Variants in MEI1 observed in about 807,000 individuals in gnomAD.
MEI1 encodes the protein meiosis inhibitor protein 1.
Under a neutral mutation model 146.2 loss-of-function variants are expected in MEI1, and 103 were observed. That is an observed-to-expected ratio of 0.70 (90% CI 0.60 to 0.83). The LOEUF (loss-of-function observed/expected upper bound fraction) is 0.83, where lower values mean the gene tolerates loss of function less well. Among genes scored for constraint, MEI1 ranks in the 40% least tolerant of loss-of-function variants. The pLI, the probability that MEI1 is intolerant of heterozygous loss-of-function variation, is 0.00. For missense variants in MEI1, 1,529 were observed against 1,533.0 expected (o/e 1.00, Z 0.04); for synonymous variants, 652 against 628.2 (o/e 1.04, Z -0.57).
chr22:41,720,969 C>T (rs1233420011), intron 6 of MEI1, among the ~76,000 whole-genome samples: 8 of 150,408 alleles, frequency 5.3e-5, no homozygotes, highest in African/African-American at 9.8e-5. Flanking sequence ...TAAGTAGAGA[C>T]GGGGTTTCAC....
intron 26 of MEI1, among the ~76,000 whole-genome samples, chr22:41,788,074 A>G (rs966022577): frequency 6.6e-6 from 1 of 152,206 alleles, no homozygotes; most frequent in African/African-American, 2.4e-5. Flanking sequence ...TCTGTCACCC[A>G]GGCTGGAGTG....
intron 19 of MEI1, among the ~76,000 whole-genome samples, chr22:41,766,042 C>T (rs2148005029): frequency 6.6e-6 from 1 of 151,848 alleles, no homozygotes; most frequent in South Asian, 2.1e-4. Flanking sequence ...AGGCACCCGC[C>T]ACCATGCCTG....
chr22:41,754,293 C>T (rs2073955125), intron 17 of MEI1, among the ~76,000 whole-genome samples: 1 of 152,164 alleles, frequency 6.6e-6, no homozygotes, highest in Admixed American at 6.6e-5. Context: ...TTCATCAAGT[C>T]CAGTTCCTTC....
chr22:41,752,527 CT>C, intron 15 of MEI1, 63 bp from the exon 16 acceptor site: 1 of 1,435,604 alleles, frequency 7.0e-7, no homozygotes, highest in Non-Finnish European at 9.6e-7. Context: ...ACCACCCAGG[CT>C]TGGGACTCTC....
intron 22 of MEI1, among the ~76,000 whole-genome samples, chr22:41,779,293 A>G (rs1335456816): frequency 6.6e-6 from 1 of 152,068 alleles, no homozygotes; most frequent in East Asian, 1.9e-4. Context: ...CAAAAAAAAT[A>G]CAAATAATTA....
At chr22:41,772,518 T>C (rs1368763167) in intron 20 of MEI1, among the ~76,000 whole-genome samples, 1 of 152,154 alleles carries the variant, frequency 6.6e-6, no homozygotes, top group Non-Finnish European at 1.5e-5. Context: ...GACAGTGTTT[T>C]ATCATGTTGC....
chr22:41,745,115 A>C (rs1305195176), intron 13 of MEI1, 51 bp downstream of exon 13: 39 of 1,294,748 alleles, frequency 3.0e-5, no homozygotes, highest in Non-Finnish European at 4.1e-5. Context: ...TAGGGGTGGA[A>C]GGGATTCAGA....
chr22:41,766,682 T>C (rs552199437), intron 19 of MEI1, among the ~76,000 whole-genome samples: 6 of 152,028 alleles, frequency 3.9e-5, no homozygotes, highest in Non-Finnish European at 7.4e-5. Flanking sequence ...GAGTAGCTGG[T>C]ACCACAGGCA....
intron 19 of MEI1, among the ~76,000 whole-genome samples, chr22:41,764,906 G>T (rs1279842383): frequency 1.3e-5 from 2 of 152,178 alleles, no homozygotes; most frequent in African/African-American, 4.8e-5. Flanking sequence ...TCAGTTAACT[G>T]TGTGACCTAG....
intron 4 of MEI1, among the ~76,000 whole-genome samples, chr22:41,715,634 A>G (rs1193660628): frequency 6.6e-6 from 1 of 151,718 alleles, no homozygotes; most frequent in Non-Finnish European, 1.5e-5. Context: ...TGACCTCGTG[A>G]TCCGCCCGCC....
rs771638733 is a variant in MEI1 at position 41,784,323 on chromosome 22, C to A, written c.3088-16C>A. On this transcript the variant is annotated splice_polypyrimidine_tract_variant and intron_variant, in intron 24 of 30. Transcript: ENST00000401548. ...CCAGAACATGGGGGTTAGCCCTTTA[C>A]CCTGTGCCCTGCCAGGTTCACCAGA... The A allele has an allele frequency of 6.2e-7, 1 of 1,612,062 alleles. No individual in the cohort carries two copies. The highest frequency in any genetic ancestry group is 1.7e-5 in the Admixed American group (1 of 60,018).
chr22:41,781,469 TAAAA>T (rs1602129626), intron 23 of MEI1, 75 bp downstream of exon 23: 3 of 1,321,168 alleles, frequency 2.3e-6, no homozygotes, highest in Non-Finnish European at 3.2e-6. Context: ...TTTTTCATCT[TAAAA>T]AAACAAATAG....
chr22:41,762,646 C>T (rs959240208), intron 18 of MEI1, among the ~76,000 whole-genome samples: 3 of 151,696 alleles, frequency 2.0e-5, no homozygotes, highest in African/African-American at 4.8e-5. Context: ...CACAGCCTCC[C>T]AGAGTGCTGG....
chr22:41,723,044 C>T (rs2071007379), intron 6 of MEI1, among the ~76,000 whole-genome samples: 1 of 152,134 alleles, frequency 6.6e-6, no homozygotes, highest in African/African-American at 2.4e-5. Flanking sequence ...TACTTCTCCC[C>T]ACTTCACCTA....
intron 15 of MEI1, among the ~76,000 whole-genome samples, chr22:41,748,846 C>G (rs1401065916): frequency 6.6e-6 from 1 of 151,952 alleles, no homozygotes; most frequent in African/African-American, 2.4e-5. Context: ...CCCTGTTGCC[C>G]AGGCTGGAGT....
At chr22:41,744,257 G>A (rs1601879082) in intron 12 of MEI1, among the ~76,000 whole-genome samples, 1 of 151,810 alleles carries the variant, frequency 6.6e-6, no homozygotes, top group Non-Finnish European at 1.5e-5. Flanking sequence ...TGCAACCTTC[G>A]CCTCCGGGGT....
At chr22:41,744,360 G>T (rs2073119744) in intron 12 of MEI1, among the ~76,000 whole-genome samples, 3 of 151,970 alleles carry the variant, frequency 2.0e-5, no homozygotes, top group Admixed American at 2.0e-4. Flanking sequence ...TTTTAGTAGA[G>T]ACGGGGTTTC....
At chr22:41,735,395 C>T (rs991655609) in intron 11 of MEI1, among the ~76,000 whole-genome samples, 2 of 151,872 alleles carry the variant, frequency 1.3e-5, no homozygotes, top group South Asian at 2.1e-4. Context: ...CCACTACACC[C>T]GGCTAATTTT....
chr22:41,764,468 T>C (rs2074715999), intron 19 of MEI1, among the ~76,000 whole-genome samples: 1 of 152,192 alleles, frequency 6.6e-6, no homozygotes. Context: ...CCTTTCTGTT[T>C]CCACTCAAAT....
Sources: allele counts gnomAD v4.1 joint callset (sites outside exome capture counted in the v4.1 genomes callset), GRCh38; gene constraint gnomAD v4.1.1; transcripts MANE v1.5; gene names NCBI Gene and HGNC (gene_info 2026-07-23, HGNC 2026-07-21).